IFTAP: variants seen among roughly 807,000 people sequenced by gnomAD.
IFTAP encodes intraflagellar transport-associated protein.
In IFTAP, 19 loss-of-function variants were observed where a neutral mutation model predicts 19.4. That is an observed-to-expected ratio of 0.98 (90% CI 0.68 to 1.44). The LOEUF is 1.44. Ranked by LOEUF, IFTAP falls within the 40% of genes most tolerant of loss-of-function variation. The probability of loss-of-function intolerance (pLI) is 0.00; values close to 1 mark genes in which losing one functional copy is unlikely to be tolerated. For missense variants in IFTAP, 240 were observed against 253.6 expected (o/e 0.95, Z 0.36); for synonymous variants, 85 against 83.5 (o/e 1.02, Z -0.10).
chr11:36,649,487 T>C (rs149407832), intron 5 of IFTAP, among the ~76,000 whole-genome samples: 1,825 of 152,272 alleles, frequency 0.012, 22 homozygotes, highest in East Asian at 0.032. Flanking sequence ...ATAAAAGTTA[T>C]TGGACCAGCC....
rs186647846 is a variant in IFTAP at position 36,619,872 on chromosome 11, C to T, written c.136+9633C>T. Reference sequence around the variant, plus strand: ...AAGAAAAAAAAGGCAACTCGGGAAGCGCTTTTGCAAATGTGAATTTAACAG... The same window carrying T: ...AAGAAAAAAAAGGCAACTCGGGAAGTGCTTTTGCAAATGTGAATTTAACAG... On this transcript the variant is annotated intron_variant, in intron 2 of 5. Coordinates refer to ENST00000334307, the MANE Select transcript of IFTAP (RefSeq NM_138787.4). Among the ~76,000 whole-genome samples the T allele has an allele frequency of 2.9e-3, 447 of 151,988 alleles. 1 individual carries two copies. The highest frequency in any genetic ancestry group is 0.01 in the African/African-American group (435 of 41,464).
At chr11:36,614,675 G>C (rs1221668674) in intron 2 of IFTAP, among the ~76,000 whole-genome samples, 5,831 of 136,914 alleles carry the variant, frequency 0.043, 703 homozygotes, top group African/African-American at 0.16. Context: ...GCCAGTGATG[G>C]TGAGCATTTT....
At chr11:36,651,226 T>A (rs553944563) in intron 5 of IFTAP, among the ~76,000 whole-genome samples, 7 of 152,312 alleles carry the variant, frequency 4.6e-5, no homozygotes, top group African/African-American at 1.4e-4. Flanking sequence ...TGTTGTTTCC[T>A]GACTTTTTAA....
chr11:36,607,666 C>CT (rs1851742345), intron 1 of IFTAP, among the ~76,000 whole-genome samples: 1 of 109,804 alleles, frequency 9.1e-6, no homozygotes, highest in Non-Finnish European at 1.8e-5. Flanking sequence ...CAGTTGTAAT[C>CT]CCCCCTTTTC....
intron 5 of IFTAP, among the ~76,000 whole-genome samples, chr11:36,655,970 T>TA (rs965157769): frequency 2.0e-5 from 3 of 152,064 alleles, no homozygotes; most frequent in Admixed American, 6.6e-5. Context: ...TAAATGTATT[T>TA]AAAAAAAACT....
chr11:36,652,757 C>T lies in IFTAP; in HGVS notation c.498+4602C>T, dbSNP rs1057203711. ...TACTTAATGTATTGAGAGTTTTTAG[C>T]ATGAAGGGCTGTTGAATTTTGTCAA... is the stretch of plus-strand genomic sequence containing the variant. On this transcript the variant is annotated intron_variant, in intron 5 of 5. Transcript: ENST00000334307. 3.9e-5 allele frequency among the ~76,000 whole-genome samples: 6 copies of T among 152,212 alleles called. No homozygotes were observed. In the East Asian group the frequency reaches 9.6e-4, roughly 24 times the overall value.
intron 2 of IFTAP, among the ~76,000 whole-genome samples, chr11:36,624,005 A>ATT (rs56824320): frequency 0.078 from 11,813 of 151,814 alleles, 579 homozygotes; most frequent in African/African-American, 0.13. Context: ...GTATATATAT[A>ATT]TTTTTTTCCT....
At chr11:36,625,027 A>AT (rs1420502084) in intron 2 of IFTAP, among the ~76,000 whole-genome samples, 1 of 152,152 alleles carries the variant, frequency 6.6e-6, no homozygotes, top group Non-Finnish European at 1.5e-5. Flanking sequence ...CCTTTCTGAA[A>AT]TTTTTTATGT....
chr11:36,622,090 ATT>A (rs34399300), intron 2 of IFTAP, among the ~76,000 whole-genome samples: 2 of 111,222 alleles, frequency 1.8e-5, no homozygotes, highest in Non-Finnish European at 1.8e-5. Context: ...TCTATTTTTT[ATT>A]TTTTTTTTTG....
intron 4 of IFTAP, among the ~76,000 whole-genome samples, chr11:36,646,588 A>G (rs1853493531): frequency 1.3e-5 from 2 of 152,310 alleles, no homozygotes; most frequent in Admixed American, 1.3e-4. Flanking sequence ...TTGAGTGTTT[A>G]ATTTGATCCA....
At position 36,600,115 on chromosome 11, in the gene IFTAP, A is replaced by T. The variant is rs550835891; in HGVS notation, c.-24+5523A>T. Among the ~76,000 whole-genome samples the T allele has an allele frequency of 2.6e-5, 4 of 152,378 alleles. No homozygotes were observed. The South Asian group carries it at 8.3e-4, about 32-fold the overall frequency. On this transcript the variant is annotated intron_variant, in intron 1 of 5. Coordinates refer to ENST00000334307, the MANE Select transcript of IFTAP (RefSeq NM_138787.4). Reference sequence around the variant, plus strand: ...GTCCTTGCTATACCATTAGGAGAGCATTAGACTTACAGTGATCTCATACAA... The same window carrying T: ...GTCCTTGCTATACCATTAGGAGAGCTTTAGACTTACAGTGATCTCATACAA...
intron 5 of IFTAP, among the ~76,000 whole-genome samples, chr11:36,658,618 A>C (rs1288188524): frequency 6.6e-6 from 1 of 152,208 alleles, no homozygotes; most frequent in Non-Finnish European, 1.5e-5. Flanking sequence ...GCAAATGGTG[A>C]AAATCTATTT....
rs1446328180 is a variant in IFTAP, at chr11:36,610,901, T to C, written c.136+662T>C. The stretch of plus-strand genomic sequence containing the variant: ...TGGATGTGATGAGGCCAAACCCATG[T>C]TGTGTTTTTCATTATTTGTTTTGTT... On this transcript the variant is annotated intron_variant, in intron 2 of 5. Coordinates refer to ENST00000334307, the MANE Select transcript of IFTAP (RefSeq NM_138787.4). Among the ~76,000 whole-genome samples, 8 of 152,170 alleles carry C rather than the reference T, an allele frequency of 5.3e-5. 1 individual carries two copies. In the South Asian group the frequency reaches 6.2e-4, roughly 12 times the overall value.
intron 5 of IFTAP, among the ~76,000 whole-genome samples, chr11:36,651,360 A>G (rs1222226815): frequency 2.0e-5 from 3 of 152,180 alleles, no homozygotes; most frequent in Non-Finnish European, 4.4e-5. Flanking sequence ...TCTTCTTTTG[A>G]GAAGTGTCTG....
At chr11:36,651,780 G>A (rs1256813695) in intron 5 of IFTAP, among the ~76,000 whole-genome samples, 1 of 152,184 alleles carries the variant, frequency 6.6e-6, no homozygotes, top group Admixed American at 6.5e-5. Flanking sequence ...TGGCTAGCCA[G>A]TTTTCCCAGC....
intron 5 of IFTAP, among the ~76,000 whole-genome samples, chr11:36,650,900 G>T (rs569152427): frequency 6.6e-6 from 1 of 151,994 alleles, no homozygotes; most frequent in Non-Finnish European, 1.5e-5. Context: ...ATTTTTTATG[G>T]CTCCATAGTA....
At chr11:36,596,529 G>C (rs1358837757) in intron 1 of IFTAP, among the ~76,000 whole-genome samples, 1 of 152,166 alleles carries the variant, frequency 6.6e-6, no homozygotes, top group Non-Finnish European at 1.5e-5. Context: ...GAAGGCATCT[G>C]AGCAACTATG....
At position 36,640,050 on chromosome 11, in the gene IFTAP, T is replaced by TTAAA. The variant is rs770183455; in HGVS notation, c.358+3936_358+3939dup. Among the ~76,000 whole-genome samples the TTAAA allele has an allele frequency of 2.4e-4, 36 of 152,306 alleles. No individual in the cohort carries two copies. The Middle Eastern group carries it at 0.01, about 43-fold the overall frequency. ...CTACCCTGGTAGTTCTCCAACACCT[T>TTAAA]TAAATAGTTGATTTTTGTGATTTAT... is the stretch of plus-strand genomic sequence containing the variant. On this transcript the variant is annotated intron_variant, in intron 4 of 5. Coordinates refer to ENST00000334307, the MANE Select transcript of IFTAP (RefSeq NM_138787.4).
chr11:36,628,760 C>T (rs912472927), intron 2 of IFTAP, among the ~76,000 whole-genome samples: 1 of 151,316 alleles, frequency 6.6e-6, no homozygotes, highest in African/African-American at 2.5e-5. Flanking sequence ...TTTCAACTTA[C>T]TGCTATTGTG....
Sources: allele counts gnomAD v4.1 joint callset (sites outside exome capture counted in the v4.1 genomes callset), GRCh38; gene constraint gnomAD v4.1.1; transcripts MANE v1.5; gene names NCBI Gene and HGNC (gene_info 2026-07-23, HGNC 2026-07-21).